EEF2K: variants seen among roughly 807,000 people sequenced by gnomAD.
EEF2K encodes eukaryotic elongation factor 2 kinase.
In EEF2K, 70 loss-of-function variants were observed where a neutral mutation model predicts 93.8. That is an observed-to-expected ratio of 0.75 (90% CI 0.62 to 0.91). The LOEUF (loss-of-function observed/expected upper bound fraction) is 0.91. EEF2K is among the 40% of genes least tolerant of loss of function. The pLI, the probability that EEF2K is intolerant of heterozygous loss-of-function variation, is 0.00. For missense variants in EEF2K, 935 were observed against 972.9 expected, an observed-to-expected ratio of 0.96 and a Z score of 0.52; for synonymous variants, 376 against 380.8, an observed-to-expected ratio of 0.99 and a Z score of 0.15.
chr16:22,245,718 A>G (rs2047281975), intron 3 of EEF2K, among the ~76,000 whole-genome samples: 1 of 152,000 alleles, frequency 6.6e-6, no homozygotes, highest in African/African-American at 2.4e-5. Flanking sequence ...GGGAAAGGAG[A>G]GATGGAAATG....
At chr16:22,259,304 A>G (rs2047440123) in intron 10 of EEF2K, among the ~76,000 whole-genome samples, 1 of 152,196 alleles carries the variant, frequency 6.6e-6, no homozygotes. Context: ...TATTCAGGGA[A>G]AGTGTGAGCG....
At chr16:22,260,638 C>T in intron 11 of EEF2K, 109 bp downstream of exon 11, 1 of 1,371,350 alleles carries the variant, frequency 7.3e-7, no homozygotes, top group Non-Finnish European at 1.0e-6. Flanking sequence ...CTAGCCCAGG[C>T]ACTGCCAGGA....
chr16:22,245,788 C>G (rs1334708070), intron 3 of EEF2K, among the ~76,000 whole-genome samples: 3 of 152,162 alleles, frequency 2.0e-5, no homozygotes, highest in Non-Finnish European at 4.4e-5. Flanking sequence ...GTGACAAAAA[C>G]AAACTTAATT....
At chr16:22,225,600 A>G (rs1262949828) in intron 1 of EEF2K, 54 bp from the exon 2 acceptor site, 14 of 1,427,024 alleles carry the variant, frequency 9.8e-6, no homozygotes, top group Non-Finnish European at 1.3e-5. Flanking sequence ...GGGTCGGGCG[A>G]ATTCGCAGCC....
At chr16:22,244,333 A>G (rs1233784069) in intron 2 of EEF2K, among the ~76,000 whole-genome samples, 1 of 151,258 alleles carries the variant, frequency 6.6e-6, no homozygotes, top group Non-Finnish European at 1.5e-5. Flanking sequence ...ATATATATAT[A>G]ATGAAATGTT....
In EEF2K at chr16:22,248,575, G is replaced by C. The variant is rs959752346; in HGVS notation, c.348-180G>C. Reference sequence around the variant, plus strand: ...AGGATTGAGACCAGTGTGTTGGGACGTGGGAGGGAGGGACAGTGTCTCCAA... The same window carrying C: ...AGGATTGAGACCAGTGTGTTGGGACCTGGGAGGGAGGGACAGTGTCTCCAA... On this transcript the variant is annotated intron_variant, in intron 3 of 17. Coordinates refer to ENST00000263026, the MANE Select transcript of EEF2K (RefSeq NM_013302.5). Among the ~76,000 whole-genome samples, 4 of 152,290 alleles carry C rather than the reference G, an allele frequency of 2.6e-5. No individual in the cohort carries two copies. In the South Asian group the frequency reaches 8.3e-4, roughly 32 times the overall value.
chr16:22,218,025 A>G (rs1301249170), intron 1 of EEF2K, among the ~76,000 whole-genome samples: 3 of 152,196 alleles, frequency 2.0e-5, no homozygotes, highest in African/African-American at 7.2e-5. Flanking sequence ...GTTCACATTC[A>G]GCATGAAAAG....
intron 2 of EEF2K, among the ~76,000 whole-genome samples, chr16:22,243,247 A>ATTT (rs568043657): frequency 1.7e-5 from 2 of 118,500 alleles, no homozygotes; most frequent in African/African-American, 3.2e-5. Context: ...GATGCAGCCT[A>ATTT]TTTTTTTTTT....
intron 1 of EEF2K, among the ~76,000 whole-genome samples, chr16:22,220,999 T>C (rs2047006604): frequency 6.6e-6 from 1 of 152,202 alleles, no homozygotes; most frequent in African/African-American, 2.4e-5. Context: ...GGGAAGATTC[T>C]GGTGACAAGC....
intron 17 of EEF2K, among the ~76,000 whole-genome samples, chr16:22,280,663 CTT>C (rs11289061): frequency 4.3e-3 from 554 of 130,122 alleles, no homozygotes; most frequent in African/African-American, 0.015. Flanking sequence ...TCCTTTCTTT[CTT>C]TTTTTTTTTT....
intron 2 of EEF2K, among the ~76,000 whole-genome samples, chr16:22,231,310 G>A (rs1004366541): frequency 6.6e-6 from 1 of 151,392 alleles, no homozygotes; most frequent in African/African-American, 2.4e-5. Context: ...AGAGACGGGG[G>A]TTTCACCACG....
At chr16:22,266,038 T>G (rs1567285210) in intron 13 of EEF2K, among the ~76,000 whole-genome samples, 1 of 151,752 alleles carries the variant, frequency 6.6e-6, no homozygotes, top group African/African-American at 2.4e-5. Context: ...AATGCATGAG[T>G]TGATGGAATT....
At chr16:22,233,428 T>G (rs1003598382) in intron 2 of EEF2K, among the ~76,000 whole-genome samples, 1 of 151,948 alleles carries the variant, frequency 6.6e-6, no homozygotes, top group African/African-American at 2.4e-5. Context: ...TCTGTAATCC[T>G]AGGACTTTTG....
At position 22,220,411 on chromosome 16, in the gene EEF2K, C is replaced by G. The variant is rs116077242; in HGVS notation, c.-76-5243C>G. On this transcript the variant is annotated intron_variant, in intron 1 of 17. Coordinates refer to ENST00000263026, the MANE Select transcript of EEF2K (RefSeq NM_013302.5). ...AATTGGGTAAGGAGCCAGATTTGCT[C>G]GCTAGCAGCCCAGATCCTGAATCTG... 4.5e-3 allele frequency among the ~76,000 whole-genome samples: 689 copies of G among 151,750 alleles called. 5 individuals are homozygous for G. The highest frequency in any genetic ancestry group is 0.016 in the African/African-American group (657 of 41,384).
chr16:22,246,281 G>C (rs2047290154), intron 3 of EEF2K, among the ~76,000 whole-genome samples: 1 of 152,060 alleles, frequency 6.6e-6, no homozygotes, highest in African/African-American at 2.4e-5. Context: ...CAGCACTTTG[G>C]GAGGCCGAGG....
intron 2 of EEF2K, among the ~76,000 whole-genome samples, chr16:22,233,873 T>C (rs951533945): frequency 1.3e-5 from 2 of 152,116 alleles, no homozygotes; most frequent in African/African-American, 4.8e-5. Context: ...CACCTCAGCC[T>C]CCCGAGTAGC....
At chr16:22,267,636 G>A (rs1476135414) in intron 15 of EEF2K, among the ~76,000 whole-genome samples, 1 of 151,928 alleles carries the variant, frequency 6.6e-6, no homozygotes, top group Non-Finnish European at 1.5e-5. Context: ...CTTTCGACCT[G>A]AAGGCCCAAA....
chr16:22,251,712 A>C (rs2047354048), intron 6 of EEF2K, among the ~76,000 whole-genome samples: 1 of 152,094 alleles, frequency 6.6e-6, no homozygotes, highest in African/African-American at 2.4e-5. Context: ...GGTGTGAGCC[A>C]CCATACCTGG....
Position 22,206,642 on chromosome 16 carries a change from C to T in EEF2K, c.-114C>T, listed in dbSNP as rs902914444. 2 of 152,282 alleles carry T rather than the reference C, an allele frequency of 1.3e-5. No homozygotes were observed. Among genetic ancestry groups the T allele is most frequent in the Non-Finnish European group, 2.9e-5 (2 of 68,140 alleles). 9.4% of individuals were successfully genotyped at this position (152,282 alleles called of 1,614,324 possible). A position where few individuals can be genotyped will look rare whatever the true frequency, so the allele number is the denominator to read the frequency against. ...GCCAACTCCTCTGGACCCTCGCGGC[C>T]GTGGGCAGCGGCTGCCGCGCCTGTC... On this transcript the variant is annotated 5_prime_UTR_variant, in exon 1 of 18. Coordinates refer to ENST00000263026, the MANE Select transcript of EEF2K (RefSeq NM_013302.5).
Sources: gnomAD v4.1 joint callset for allele counts (sites outside exome capture counted in the v4.1 genomes callset) on GRCh38, gnomAD v4.1.1 for gene constraint, MANE v1.5 for transcripts, NCBI Gene and HGNC (gene_info 2026-07-23, HGNC 2026-07-21) for gene names.